The following MIAT variants were observed in gnomAD, a reference collection of about 807,000 sequenced individuals.
MIAT encodes the protein myocardial infarction associated transcript, also known as MI related novel mRNA.
chr22:26,674,505 T>C, downstream of MIAT: 1 of 398,762 alleles, frequency 2.5e-6, no homozygotes, highest in Non-Finnish European at 4.4e-6. Flanking sequence ...TAGAGGCAGG[T>C]TGCTTGGGTC....
Position 26,666,723 on chromosome 22 carries a change from G to A in MIAT, n.1922G>A, listed in dbSNP as rs1045015530. 2.8e-5 allele frequency: 11 copies of A among 398,626 alleles called. No individual in the cohort carries two copies. The Admixed American group carries it at 4.8e-4, about 18-fold the overall frequency. The allele number at this position is 398,626 out of a possible 1,614,324, so 24.7% of individuals were successfully genotyped here. ...TGGGGTGGAATAAAGAGAGGTGGAGGGTGGGGTGCCTGGGCCCAGCCTCCC... is the reference window on the plus strand; with the variant it reads ...TGGGGTGGAATAAAGAGAGGTGGAGAGTGGGGTGCCTGGGCCCAGCCTCCC... On this transcript the variant is annotated non_coding_transcript_exon_variant, in exon 4 of 6. Coordinates refer to ENST00000643270, the Ensembl canonical transcript of MIAT.
chr22:26,647,849 A>G (rs1360280966), intron 2 of MIAT, among the ~76,000 whole-genome samples: 1 of 151,488 alleles, frequency 6.6e-6, no homozygotes, highest in Non-Finnish European at 1.5e-5. Flanking sequence ...ACTTGGCGGA[A>G]TGTTCCAGAG....
chr22:26,652,107 G>C (rs984471758), intron 2 of MIAT, among the ~76,000 whole-genome samples: 6 of 152,108 alleles, frequency 3.9e-5, no homozygotes, highest in African/African-American at 1.4e-4. Context: ...GATCCTCTTT[G>C]CTCAGCCGTC....
At chr22:26,654,327 A>G (rs530473925) in intron 2 of MIAT, among the ~76,000 whole-genome samples, 1 of 152,286 alleles carries the variant, frequency 6.6e-6, no homozygotes, top group South Asian at 2.1e-4. Context: ...TATAGGATGA[A>G]GTGTGAAAGT....
At chr22:26,672,395 TAAC>T, downstream of MIAT, 1 of 399,284 alleles carries the variant, frequency 2.5e-6, no homozygotes, top group Non-Finnish European at 4.4e-6. Flanking sequence ...ATGGCCCTAT[TAAC>T]AAGACTCAGA....
Position 26,653,093 on chromosome 22 carries a change from C to A in MIAT, n.646+5782C>A, listed in dbSNP as rs147448241. ...AGCATGAACTGCAAAGGATGTCCAA[C>A]CCTCCGTAGGGAAATGGAAGATGCT... On this transcript the variant is annotated intron_variant and non_coding_transcript_variant, in intron 2 of 5. Transcript: ENST00000643270. 1.4e-4 allele frequency among the ~76,000 whole-genome samples: 22 copies of A among 152,298 alleles called. No homozygotes were observed. The East Asian group carries it at 1.5e-3, about 11-fold the overall frequency.
Position 26,666,542 on chromosome 22 carries a change from T to C in MIAT, n.1741T>C, listed in dbSNP as rs184483210. On this transcript the variant is annotated non_coding_transcript_exon_variant, in exon 4 of 6. Coordinates refer to ENST00000643270, the Ensembl canonical transcript of MIAT. ...AGGAGCAGAGCTGGGATCAGAATTC[T>C]GGATTCCTGACTCTCCGTTCAGCTG... The C allele has an allele frequency of 1.5e-4, 59 of 398,548 alleles. 1 individual carries two copies. The highest frequency in any genetic ancestry group is 2.0e-4 in the Non-Finnish European group (46 of 226,102). The allele number at this position is 398,548 out of a possible 1,614,324, so 24.7% of individuals were successfully genotyped here.
intron 2 of MIAT, chr22:26,655,997 T>TTTTTCTTTTC (rs374546845): frequency 6.5e-6 from 1 of 153,238 alleles, no homozygotes; most frequent in African/African-American, 2.4e-5. Flanking sequence ...CTGAATTGTA[T>TTTTTCTTTTC]TTTTCTTTTC....
downstream of MIAT, chr22:26,670,607 A>T: frequency 3.7e-6 from 1 of 267,710 alleles, no homozygotes. Context: ...CTCCTTAAAA[A>T]AAAAAAAAAA....
chr22:26,658,922 T>C (rs1930557117), intron 2 of MIAT, among the ~76,000 whole-genome samples: 1 of 152,124 alleles, frequency 6.6e-6, no homozygotes, highest in African/African-American at 2.4e-5. Flanking sequence ...GCATTCCCAT[T>C]TGGGAGCATC....
chr22:26,666,702 G>A (rs1372454614), exon 4 of MIAT: 8 of 398,548 alleles, frequency 2.0e-5, no homozygotes, highest in Non-Finnish European at 3.5e-5. Flanking sequence ...ATGTTCTGGG[G>A]TGGAATAAAG....
chr22:26,670,902 A>C, downstream of MIAT: 1 of 398,308 alleles, frequency 2.5e-6, no homozygotes, highest in Admixed American at 4.4e-5. Flanking sequence ...AAAAGGAAGC[A>C]GACCGGGTGG....
In MIAT at chr22:26,659,840, C is replaced by CTTTTTTTT. The variant is rs1189391284; in HGVS notation, n.647-3469_647-3462dup. ...TTTCTTTTTCTTTCTTTCTTTCTTT[C>CTTTTTTTT]TTTTTTTTTTTTTTGAAACAGAGCC... On this transcript the variant is annotated intron_variant and non_coding_transcript_variant, in intron 2 of 5. Transcript: ENST00000643270. Among the ~76,000 whole-genome samples the CTTTTTTTT allele has an allele frequency of 1.3e-4, 12 of 94,968 alleles. No individual in the cohort carries two copies. The East Asian group carries it at 1.5e-3, about 12-fold the overall frequency. 62.3% of individuals were successfully genotyped at this position (94,968 alleles called of 152,430 possible).
intron 2 of MIAT, chr22:26,656,008 TTTTCTTTTC>T (rs1930431340): frequency 6.5e-6 from 1 of 153,000 alleles, no homozygotes; most frequent in Non-Finnish European, 1.4e-5. Flanking sequence ...TTTTCTTTTC[TTTTCTTTTC>T]TTTTTTTTTT....
downstream of MIAT, chr22:26,671,910 C>T (rs200302885): frequency 5.4e-4 from 214 of 398,558 alleles, 1 homozygote; most frequent in East Asian, 7.2e-3. Flanking sequence ...CCTGGCCTCT[C>T]TGGGTGTTCT....
intron 2 of MIAT, among the ~76,000 whole-genome samples, chr22:26,661,943 T>TGGATCTATATAGATCC (rs1930687138): frequency 5.1e-5 from 2 of 39,172 alleles, no homozygotes; most frequent in Non-Finnish European, 1.0e-4. Flanking sequence ...TATATATATA[T>TGGATCTATATAGATCC]ATATATATAT....
At chr22:26,673,295 G>C (rs1931131514), downstream of MIAT, 1 of 398,638 alleles carries the variant, frequency 2.5e-6, no homozygotes, top group Non-Finnish European at 4.4e-6. Context: ...ACCTGGGGGT[G>C]ATTTCATGCC....
chr22:26,671,297 C>T (rs551000196), downstream of MIAT: 2 of 398,620 alleles, frequency 5.0e-6, no homozygotes, highest in Admixed American at 4.4e-5. Flanking sequence ...TTTGATGGGG[C>T]TGGGGGGCTT....
chr22:26,667,190 G>C, exon 5 of MIAT: 1 of 398,676 alleles, frequency 2.5e-6, no homozygotes, highest in Non-Finnish European at 4.4e-6. Flanking sequence ...TTCAGCACCG[G>C]CATGGACCAA....
Sources: gnomAD v4.1 joint callset for allele counts (sites outside exome capture counted in the v4.1 genomes callset) on GRCh38, gnomAD v4.1.1 for gene constraint, MANE v1.5 for transcripts, NCBI Gene and HGNC (gene_info 2026-07-23, HGNC 2026-07-21) for gene names.